Variants in TNIK observed in about 807,000 individuals in gnomAD.
TNIK encodes the protein TRAF2 and NCK-interacting protein kinase.
A neutral mutation model predicts 191.3 loss-of-function variants in TNIK; 49 were observed. The observed-to-expected ratio is 0.26, with a 90% CI of 0.20 to 0.32. The LOEUF (loss-of-function observed/expected upper bound fraction) is 0.32. Ranked by LOEUF, TNIK falls within the 10% of genes least tolerant of loss-of-function variation. The pLI is 1.00. For synonymous variants in TNIK, 594 were observed against 600.9 expected (o/e 0.99, Z 0.17); for missense variants, 1,155 against 1,702.3 (o/e 0.68, Z 5.66).
chr3:171,328,873 G>A (rs763541011), intron 2 of TNIK, among the ~76,000 whole-genome samples: 13 of 152,140 alleles, frequency 8.5e-5, no homozygotes, highest in Non-Finnish European at 1.3e-4. Context: ...GTGGCAGGAA[G>A]TCACTAAGGA....
chr3:171,414,202 C>T (rs1722763869), intron 1 of TNIK, among the ~76,000 whole-genome samples: 1 of 152,202 alleles, frequency 6.6e-6, no homozygotes, highest in South Asian at 2.1e-4. Context: ...TCAAGATTCC[C>T]CAGATAGGGT....
intron 4 of TNIK, among the ~76,000 whole-genome samples, chr3:171,206,631 A>G (rs1270309151): frequency 6.6e-6 from 1 of 152,122 alleles, no homozygotes; most frequent in Non-Finnish European, 1.5e-5. Flanking sequence ...ACTTCCAACC[A>G]AGCTAAAGTG....
At chr3:171,120,380 G>C (rs573493323) in intron 18 of TNIK, among the ~76,000 whole-genome samples, 313 of 150,674 alleles carry the variant, frequency 2.1e-3, no homozygotes, top group Non-Finnish European at 3.1e-3. Flanking sequence ...GAGTGCAGGG[G>C]TGTGATCTCG....
intron 18 of TNIK, among the ~76,000 whole-genome samples, chr3:171,112,172 G>A (rs1038071797): frequency 3.3e-5 from 5 of 152,186 alleles, no homozygotes; most frequent in Non-Finnish European, 7.3e-5. Context: ...GTTATACACT[G>A]TAAATAGATA....
chr3:171,264,388 C>A (rs1748119400), intron 2 of TNIK, among the ~76,000 whole-genome samples: 1 of 151,894 alleles, frequency 6.6e-6, no homozygotes, highest in African/African-American at 2.4e-5. Context: ...GAGTTTTGGT[C>A]TTGTTGCACA....
intron 1 of TNIK, among the ~76,000 whole-genome samples, chr3:171,393,108 C>T (rs945575100): frequency 2.0e-5 from 3 of 152,172 alleles, no homozygotes; most frequent in South Asian, 4.1e-4. Flanking sequence ...TCTCCTAGCT[C>T]AGTGCACTTT....
intron 1 of TNIK, among the ~76,000 whole-genome samples, chr3:171,376,063 A>G (rs1395753183): frequency 6.6e-6 from 1 of 152,208 alleles, no homozygotes; most frequent in Non-Finnish European, 1.5e-5. Flanking sequence ...TACGGGCCTT[A>G]AGAAGACCAA....
chr3:171,117,361 A>G (rs1056271198), intron 18 of TNIK, among the ~76,000 whole-genome samples: 1 of 152,228 alleles, frequency 6.6e-6, no homozygotes, highest in African/African-American at 2.4e-5. Flanking sequence ...CAAGGTTATC[A>G]GAGCTCAAAT....
At chr3:171,187,876 A>C (rs1237464283) in intron 7 of TNIK, among the ~76,000 whole-genome samples, 3 of 152,186 alleles carry the variant, frequency 2.0e-5, no homozygotes, top group Non-Finnish European at 2.9e-5. Context: ...TAATGTACAC[A>C]AAGACCACAG....
intron 29 of TNIK, 71 bp from the exon 30 acceptor site, chr3:171,069,068 T>C: frequency 6.7e-7 from 1 of 1,493,312 alleles, no homozygotes; most frequent in East Asian, 2.3e-5. Flanking sequence ...TTAGCCACTG[T>C]CTAGAGGAAG....
intron 1 of TNIK, among the ~76,000 whole-genome samples, chr3:171,403,608 T>C (rs1560028127): frequency 1.6e-5 from 1 of 61,668 alleles, no homozygotes; most frequent in African/African-American, 9.2e-5. Flanking sequence ...TGAGACTCCG[T>C]ATCAAAAAAA....
At chr3:171,380,150 G>A (rs1484030254) in intron 1 of TNIK, among the ~76,000 whole-genome samples, 2 of 152,032 alleles carry the variant, frequency 1.3e-5, no homozygotes, top group Non-Finnish European at 1.5e-5. Context: ...TCAGGTTGTT[G>A]CAGAGATTAT....
At chr3:171,161,594 T>A (rs555429215) in intron 10 of TNIK, among the ~76,000 whole-genome samples, 13 of 152,344 alleles carry the variant, frequency 8.5e-5, no homozygotes, top group African/African-American at 2.2e-4. Flanking sequence ...AATAATTTTT[T>A]AATTTTTTTA....
intron 1 of TNIK, among the ~76,000 whole-genome samples, chr3:171,438,010 G>A (rs1290797185): frequency 6.6e-6 from 1 of 152,202 alleles, no homozygotes; most frequent in African/African-American, 2.4e-5. Flanking sequence ...CACAGACAGT[G>A]CTTTTTAGAG....
At chr3:171,333,272 C>CG (rs1756587168) in intron 2 of TNIK, among the ~76,000 whole-genome samples, 1 of 151,946 alleles carries the variant, frequency 6.6e-6, no homozygotes, top group South Asian at 2.1e-4. Context: ...GATCTGACAA[C>CG]AGGCCGGGCG....
rs1273187360 is a variant in TNIK at position 171,068,990 on chromosome 3, G to A, written c.3557C>T (p.Ala1186Val). Residue 1186 changes from alanine (A) to valine (V), a missense_variant, in exon 30 of 33, where the codon GCA (alanine) becomes GTA (valine). Around this residue, in one of 3 missense-constraint regions of TNIK, gnomAD observed 195 missense variants for 415.4 expected, o/e 0.47. Coordinates refer to ENST00000436636, the MANE Select transcript of TNIK (RefSeq NM_015028.4). ...TAGCAGAGGCTTGTGCTGGAGATCT[G>A]CAAAAGACTTTAAAAATCACCCCAT... Reference protein sequence around the residue: ...YHKFMAFKSFADLQHKPLLVD... With the variant: ...YHKFMAFKSFVDLQHKPLLVD... The A allele has an allele frequency of 6.2e-7, 1 of 1,611,434 alleles. No homozygotes were observed. Among genetic ancestry groups the A allele is most frequent in the South Asian group, 1.1e-5 (1 of 90,372 alleles).
intron 1 of TNIK, among the ~76,000 whole-genome samples, chr3:171,383,904 A>G (rs188581497): frequency 4.6e-4 from 70 of 152,176 alleles, no homozygotes; most frequent in Middle Eastern, 3.4e-3. Context: ...CTGTCCTCCA[A>G]ATCTCCCAGT....
In TNIK at chr3:171,093,977, A is replaced by G; in HGVS notation, c.2592-9T>C. On this transcript the variant is annotated splice_polypyrimidine_tract_variant and intron_variant, in intron 22 of 32. Transcript: ENST00000436636. ...CTGGAGCTCCTGTTGGTCTGAGATG[A>G]GAAGGAACAACATTCATGGCAATGT... The G allele has an allele frequency of 6.2e-7, 1 of 1,611,000 alleles. No homozygotes were observed.
intron 2 of TNIK, among the ~76,000 whole-genome samples, chr3:171,312,129 AAAAAAAAAAAAAG>A (rs1269857749): frequency 4.1e-5 from 6 of 147,282 alleles, no homozygotes; most frequent in Admixed American, 6.8e-5. Flanking sequence ...AAAAAAAAAA[AAAAAAAAAAAAAG>A]GGCTAGACTG....
Sources: allele counts gnomAD v4.1 joint callset (sites outside exome capture counted in the v4.1 genomes callset), GRCh38; gene constraint gnomAD v4.1.1; regional missense constraint gnomAD v4.1.1; transcripts MANE v1.5; gene names NCBI Gene and HGNC (gene_info 2026-07-23, HGNC 2026-07-21).